ZPBP: variants seen among roughly 807,000 people sequenced by gnomAD.
The protein encoded by ZPBP is zona pellucida-binding protein 1.
Under a neutral mutation model 44.8 loss-of-function variants are expected in ZPBP, and 26 were observed. That is an observed-to-expected ratio of 0.58 (90% CI 0.43 to 0.81). The LOEUF is 0.81. Ranked by LOEUF, ZPBP falls within the 30% of genes least tolerant of loss-of-function variation. The probability of loss-of-function intolerance (pLI) is 0.00; values close to 1 mark genes in which losing one functional copy is unlikely to be tolerated. For synonymous variants in ZPBP, 174 were observed against 153.2 expected (o/e 1.14, Z -1.00); for missense variants, 409 against 434.0 (o/e 0.94, Z 0.51).
intron 3 of ZPBP, among the ~76,000 whole-genome samples, chr7:50,061,080 A>G (rs1246658654): frequency 6.6e-6 from 1 of 152,194 alleles, no homozygotes; most frequent in East Asian, 1.9e-4. Context: ...ATCTCAACAG[A>G]TGCAGAAAAG....
At chr7:50,030,952 A>C (rs1230020344) in intron 5 of ZPBP, 140 bp downstream of exon 5, 1 of 730,648 alleles carries the variant, frequency 1.4e-6, no homozygotes, top group African/African-American at 1.8e-5. Context: ...AACAGCACTA[A>C]GTCAAAGTAG....
intron 7 of ZPBP, chr7:49,944,306 C>T (rs937347199): frequency 3.5e-6 from 1 of 285,270 alleles, no homozygotes; most frequent in African/African-American, 2.3e-5. Context: ...TTTCTTTTGC[C>T]TGTACATATT....
chr7:49,984,252 C>T (rs899386796), intron 6 of ZPBP, among the ~76,000 whole-genome samples: 1 of 152,178 alleles, frequency 6.6e-6, no homozygotes, highest in Non-Finnish European at 1.5e-5. Context: ...CTCATGTCTA[C>T]TGAGTTCTTC....
At chr7:50,090,351 T>C (rs1269846616) in intron 1 of ZPBP, among the ~76,000 whole-genome samples, 1 of 152,060 alleles carries the variant, frequency 6.6e-6, no homozygotes, top group African/African-American at 2.4e-5. Flanking sequence ...CATATAATGT[T>C]TGGTTTTGCA....
chr7:50,090,919 A>T (rs1316461667), intron 1 of ZPBP, among the ~76,000 whole-genome samples: 2 of 152,070 alleles, frequency 1.3e-5, no homozygotes, highest in African/African-American at 2.4e-5. Context: ...ACTAGTTTAC[A>T]TTCCCACCAG....
At chr7:49,873,724 C>T (rs915411082) in intron 2 of ZPBP, among the ~76,000 whole-genome samples, 1 of 152,090 alleles carries the variant, frequency 6.6e-6, no homozygotes. Flanking sequence ...TACAGGGAAA[C>T]TTCAACATGT....
At chr7:50,009,580 T>C (rs927108938) in intron 6 of ZPBP, among the ~76,000 whole-genome samples, 5 of 152,008 alleles carry the variant, frequency 3.3e-5, no homozygotes, top group African/African-American at 1.2e-4. Flanking sequence ...TCCTTTAATT[T>C]CGTATATCTC....
intron 4 of ZPBP, among the ~76,000 whole-genome samples, chr7:50,033,678 GTTTATTTATTTA>G (rs56856262): frequency 1.3e-5 from 2 of 148,714 alleles, no homozygotes; most frequent in African/African-American, 2.5e-5. Context: ...TCTTTCTACA[GTTTATTTATTTA>G]TTTATTTATT....
chr7:50,009,220 G>GAGCAAA (rs1798456434), intron 6 of ZPBP, among the ~76,000 whole-genome samples: 1 of 113,288 alleles, frequency 8.8e-6, no homozygotes, highest in Non-Finnish European at 1.7e-5. Context: ...CTGGGTGACA[G>GAGCAAA]AAAGACTCTG....
In ZPBP at chr7:50,028,763, T is replaced by C. The variant is rs193275794; in HGVS notation, c.706+2329A>G. On this transcript the variant is annotated intron_variant, in intron 5 of 7. Coordinates refer to ENST00000046087, the MANE Select transcript of ZPBP (RefSeq NM_007009.3). ...ATAGCATCAGAAATAATAAAATACT[T>C]AGAAATACATTTGTCAAGAGTTACA... is the stretch of plus-strand genomic sequence containing the variant. Among the ~76,000 whole-genome samples, 623 of 152,116 alleles carry C rather than the reference T, an allele frequency of 4.1e-3. 4 individuals are homozygous for C. The highest frequency in any genetic ancestry group is 0.014 in the African/African-American group (578 of 41,520).
intron 1 of ZPBP, among the ~76,000 whole-genome samples, chr7:49,923,607 G>T (rs967095870): frequency 1.1e-4 from 9 of 81,330 alleles, no homozygotes; most frequent in Non-Finnish European, 1.7e-4. Flanking sequence ...TTTTAAATAT[G>T]AAAACTTCTT....
intron 2 of ZPBP, among the ~76,000 whole-genome samples, chr7:49,877,163 C>G (rs987841572): frequency 7.9e-5 from 12 of 151,734 alleles, no homozygotes; most frequent in Admixed American, 4.6e-4. Flanking sequence ...TCTCAGTGCT[C>G]AAAAATATTT....
intron 5 of ZPBP, among the ~76,000 whole-genome samples, chr7:50,022,357 T>C (rs1319527725): frequency 6.6e-6 from 1 of 152,062 alleles, no homozygotes. Context: ...CAATATATAG[T>C]AATGTAATTA....
intron 6 of ZPBP, among the ~76,000 whole-genome samples, chr7:50,002,059 G>T (rs563213578): frequency 6.6e-6 from 1 of 152,188 alleles, no homozygotes; most frequent in African/African-American, 2.4e-5. Flanking sequence ...CAGTGTATTA[G>T]TCTGTTCTCA....
intron 7 of ZPBP, among the ~76,000 whole-genome samples, chr7:49,950,128 C>T (rs984296458): frequency 6.6e-6 from 1 of 151,716 alleles, no homozygotes; most frequent in Non-Finnish European, 1.5e-5. Context: ...CAGATGTGCA[C>T]CCTGATATAT....
At chr7:49,990,467 A>C (rs1234523123) in intron 6 of ZPBP, among the ~76,000 whole-genome samples, 2 of 152,188 alleles carry the variant, frequency 1.3e-5, no homozygotes, top group Admixed American at 6.5e-5. Flanking sequence ...TAGGAAGAGA[A>C]GGGAAACTGG....
At chr7:50,055,094 A>G (rs769601883) in intron 4 of ZPBP, among the ~76,000 whole-genome samples, 2 of 152,212 alleles carry the variant, frequency 1.3e-5, no homozygotes, top group Non-Finnish European at 2.9e-5. Flanking sequence ...ATTTTCCTTT[A>G]CAGAATTCAT....
chr7:49,987,048 T>C (rs915093039), intron 6 of ZPBP, among the ~76,000 whole-genome samples: 1 of 152,014 alleles, frequency 6.6e-6, no homozygotes, highest in African/African-American at 2.4e-5. Flanking sequence ...GCTTAGGGAG[T>C]GAGTCCTTTC....
intron 2 of ZPBP, among the ~76,000 whole-genome samples, chr7:49,874,582 A>G (rs1328672661): frequency 6.6e-6 from 1 of 152,178 alleles, no homozygotes; most frequent in African/African-American, 2.4e-5. Flanking sequence ...ATGTATATAT[A>G]TACATGGAGA....
Sources: allele counts gnomAD v4.1 joint callset (sites outside exome capture counted in the v4.1 genomes callset), GRCh38; gene constraint gnomAD v4.1.1; transcripts MANE v1.5; gene names NCBI Gene and HGNC (gene_info 2026-07-23, HGNC 2026-07-21).